Variants in TASOR observed in about 807,000 individuals in gnomAD.
TASOR encodes the protein protein TASOR.
In TASOR, 53 loss-of-function variants were observed where a neutral mutation model predicts 178.6. That is an observed-to-expected ratio of 0.30 (90% confidence interval 0.24 to 0.37). The LOEUF (loss-of-function observed/expected upper bound fraction) is 0.37. Ranked by LOEUF, TASOR falls within the 10% of genes least tolerant of loss-of-function variation. The pLI is 1.00. For synonymous variants in TASOR, 713 were observed against 696.2 expected (o/e 1.02, Z -0.38); for missense variants, 1,815 against 1,971.4 (o/e 0.92, Z 1.50).
intron 4 of TASOR, 71 bp from the exon 5 acceptor site, chr3:56,669,862 T>G: frequency 8.7e-7 from 1 of 1,151,828 alleles, no homozygotes; most frequent in Admixed American, 2.7e-5. Flanking sequence ...ATAAGACATT[T>G]TTAAGAAGTT....
Position 56,640,055 on chromosome 3 carries a change from G to A in TASOR, c.2695C>T (p.Arg899Cys), listed in dbSNP as rs761483343. Residue 899 changes from arginine to cysteine, a missense_variant, in exon 16 of 24, where the codon CGT becomes TGT. Transcript: ENST00000683822. ...CPSVPIEHGFRRQQSKSNNVE... is the reference protein window; with the variant it reads ...CPSVPIEHGFCRQQSKSNNVE... ...TTATTTGACTTAGACTGTTGTCTACGAAATCCATGTTCAATGGGAACACTG... is the reference window on the plus strand; with the variant it reads ...TTATTTGACTTAGACTGTTGTCTACAAAATCCATGTTCAATGGGAACACTG... 9 of 1,612,922 alleles carry A rather than the reference G, an allele frequency of 5.6e-6. No individual in the cohort carries two copies. Among genetic ancestry groups the A allele is most frequent in the South Asian group, 1.1e-5 (1 of 90,810 alleles).
chr3:56,645,319 G>A (rs906922865), intron 14 of TASOR, among the ~76,000 whole-genome samples: 1 of 152,024 alleles, frequency 6.6e-6, no homozygotes, highest in Non-Finnish European at 1.5e-5. Context: ...GAAAAGTGAG[G>A]ATACAAATAC....
At chr3:56,643,960 T>A (rs528460578) in intron 14 of TASOR, among the ~76,000 whole-genome samples, 1 of 152,336 alleles carries the variant, frequency 6.6e-6, no homozygotes, top group South Asian at 2.1e-4. Context: ...TATGGCTTTC[T>A]CATCATTTTA....
At chr3:56,625,791 T>C (rs908012606) in intron 21 of TASOR, among the ~76,000 whole-genome samples, 1 of 151,822 alleles carries the variant, frequency 6.6e-6, no homozygotes, top group African/African-American at 2.4e-5. Flanking sequence ...ACCCAGCTAA[T>C]TTTTGTATTT....
At chr3:56,626,969 AAG>A (rs1229878854) in intron 21 of TASOR, 66 bp downstream of exon 21, 1 of 974,908 alleles carries the variant, frequency 1.0e-6, no homozygotes, top group African/African-American at 1.6e-5. Context: ...CAAACATGGG[AAG>A]AGAGAAATAT....
chr3:56,683,053 C>T lies in TASOR; in HGVS notation c.-47G>A, dbSNP rs1326367094. On this transcript the variant is annotated 5_prime_UTR_variant, in exon 1 of 24. Transcript: ENST00000683822. Reference sequence around the variant, plus strand: ...GGGAAGCTTCTGCCCACAAGGTCGACGGGTGTGGGGGGAAGGGGCGGCGGG... The same window carrying T: ...GGGAAGCTTCTGCCCACAAGGTCGATGGGTGTGGGGGGAAGGGGCGGCGGG... 6.9e-7 allele frequency: 1 copy of T among 1,448,624 alleles called. No individual in the cohort carries two copies. Among genetic ancestry groups the T allele is most frequent in the South Asian group, 1.4e-5 (1 of 73,006 alleles). The allele number at this position is 1,448,624 out of a possible 1,614,324, so 89.7% of individuals were successfully genotyped here. A position where few individuals can be genotyped will look rare whatever the true frequency, so the allele number is the denominator to read the frequency against.
chr3:56,682,597 G>A, intron 1 of TASOR, 79 bp downstream of exon 1: 1 of 1,304,938 alleles, frequency 7.7e-7, no homozygotes, highest in Non-Finnish European at 1.0e-6. Context: ...GGATGGGTGT[G>A]GGAAGAGGAG....
chr3:56,631,102 G>A (rs1430618223), intron 18 of TASOR, among the ~76,000 whole-genome samples: 2 of 152,092 alleles, frequency 1.3e-5, no homozygotes, highest in Non-Finnish European at 2.9e-5. Flanking sequence ...TCTACATTCA[G>A]TCATGTAGGG....
In TASOR at chr3:56,621,594, A is replaced by C; in HGVS notation, c.*1443T>G. 1 of 1,599,100 alleles carries C rather than the reference A, an allele frequency of 6.3e-7. No individual in the cohort carries two copies. Among genetic ancestry groups the C allele is most frequent in the Non-Finnish European group, 8.5e-7 (1 of 1,173,180 alleles). The stretch of plus-strand genomic sequence containing the variant: ...TCCTGCCTTTAGCTGAAAATCAAGA[A>C]GAGAGTTTTGGTTCTTCATTTTAAA... On this transcript the variant is annotated 3_prime_UTR_variant, in exon 24 of 24. Coordinates refer to ENST00000683822, the MANE Select transcript of TASOR (RefSeq NM_001365635.2).
chr3:56,642,767 G>A (rs949095124), intron 14 of TASOR, among the ~76,000 whole-genome samples: 2 of 152,066 alleles, frequency 1.3e-5, no homozygotes, highest in Admixed American at 1.3e-4. Flanking sequence ...AAGGTCAGGA[G>A]ATCGAGACCA....
At chr3:56,659,937 C>A (rs1382963575) in intron 11 of TASOR, among the ~76,000 whole-genome samples, 1 of 151,712 alleles carries the variant, frequency 6.6e-6, no homozygotes, top group Non-Finnish European at 1.5e-5. Flanking sequence ...CGCAATGGTA[C>A]GATCTTGGCT....
Position 56,646,947 on chromosome 3 carries a change from T to C in TASOR, c.1790A>G (p.His597Arg), listed in dbSNP as rs1295530091. 1.9e-6 allele frequency: 3 copies of C among 1,612,046 alleles called. No homozygotes were observed. The highest frequency in any genetic ancestry group is 2.5e-6 in the Non-Finnish European group (3 of 1,179,604). Reference sequence around the variant, plus strand: ...ATAGGCATGCAAACAAGTATCAATATGGGATTTATTTCTGGGAGCTGAGTA... The same window carrying C: ...ATAGGCATGCAAACAAGTATCAATACGGGATTTATTTCTGGGAGCTGAGTA... ...FLYSAPRNKS[H>R]IDTCLHAYIF... is the part of the protein sequence containing the mutation. Residue 597 changes from histidine to arginine, a missense_variant, in exon 14 of 24, where the codon CAT (histidine) becomes CGT (arginine). His to Arg is a conservative substitution (Grantham distance 29, BLOSUM62 0). Around this residue, in one of 5 missense-constraint regions of TASOR, gnomAD observed 504 missense variants for 645.3 expected, o/e 0.78. Coordinates refer to ENST00000683822, the MANE Select transcript of TASOR (RefSeq NM_001365635.2).
chr3:56,666,516 G>T, intron 6 of TASOR, 132 bp from the exon 7 acceptor site: 1 of 552,490 alleles, frequency 1.8e-6, no homozygotes. Context: ...AGCTCTGCGT[G>T]CCAATTTAAC....
chr3:56,638,623 C>T, intron 17 of TASOR, 83 bp downstream of exon 17: 3 of 1,398,788 alleles, frequency 2.1e-6, no homozygotes, highest in Non-Finnish European at 3.0e-6. Flanking sequence ...TAAGTCAATG[C>T]CCTATTGATG....
chr3:56,621,002 G>GTTAGT lies in TASOR; in HGVS notation c.*2030_*2034dup, dbSNP rs1374524317. 5 of 150,850 alleles carry GTTAGT rather than the reference G, an allele frequency of 3.3e-5. No individual in the cohort carries two copies. Among genetic ancestry groups the GTTAGT allele is most frequent in the African/African-American group, 4.9e-5 (2 of 40,946 alleles). 9.3% of individuals were successfully genotyped at this position (150,850 alleles called of 1,614,324 possible). On this transcript the variant is annotated 3_prime_UTR_variant, in exon 24 of 24. Coordinates refer to ENST00000683822, the MANE Select transcript of TASOR (RefSeq NM_001365635.2). ...CCTGTCTCTACTAAAAATACAAAAA[G>GTTAGT]TTAGTTAGTTAGTTAGCCAGGCGTG... is the stretch of plus-strand genomic sequence containing the variant.
intron 19 of TASOR, 83 bp from the exon 20 acceptor site, chr3:56,627,824 C>CT (rs1336555354): frequency 1.0e-5 from 13 of 1,246,116 alleles, no homozygotes; most frequent in Non-Finnish European, 1.5e-5. Flanking sequence ...TACAAGAAGT[C>CT]TAACAGAATG....
chr3:56,657,348 C>G (rs1196575339), intron 11 of TASOR, among the ~76,000 whole-genome samples: 1 of 148,498 alleles, frequency 6.7e-6, no homozygotes, highest in East Asian at 2.0e-4. Context: ...AAAAAAAAGT[C>G]AATATAATCT....
rs369272908 is a variant in TASOR at position 56,623,081 on chromosome 3, A to G, written c.4969T>C (p.Trp1657Arg). The change falls in exon 24 of 24, where the codon TGG (tryptophan) becomes CGG (arginine). Residue 1657 changes from tryptophan to arginine, a missense_variant. This residue lies in a region of TASOR where 278 missense variants were observed against 257.1 expected (regional missense o/e 1.08). Transcript: ENST00000683822. The part of the protein sequence containing the change: ...DRDKSPPPLS[W>R]GKSDSSRPYS... ...GGCCTGGAAGAATCACTTTTCCCCC[A>G]ACTTAAGGGAGGTGGAGATTTATCT... 2.5e-6 allele frequency: 4 copies of G among 1,597,598 alleles called. No homozygotes were observed. In the African/African-American group the frequency reaches 5.4e-5, roughly 22 times the overall value.
chr3:56,628,719 C>T, intron 18 of TASOR, 105 bp from the exon 19 acceptor site: 3 of 719,130 alleles, frequency 4.2e-6, no homozygotes, highest in Non-Finnish European at 6.6e-6. Context: ...ACTACCATGA[C>T]ATTATTAACA....
Sources: gnomAD v4.1 joint callset for allele counts (sites outside exome capture counted in the v4.1 genomes callset) on GRCh38, gnomAD v4.1.1 for gene constraint, gnomAD v4.1.1 regional missense constraint, MANE v1.5 for transcripts, NCBI Gene and HGNC (gene_info 2026-07-23, HGNC 2026-07-21) for gene names.